CDH2: variants seen among roughly 807,000 people sequenced by gnomAD.
The protein encoded by CDH2 is cadherin 2.
A neutral mutation model predicts 92.0 loss-of-function variants in CDH2; 17 were observed. That is an observed-to-expected ratio of 0.18 (90% CI 0.13 to 0.28). The LOEUF is 0.28. Ranked by LOEUF, CDH2 falls within the 10% of genes least tolerant of loss-of-function variation. The pLI is 1.00. For missense variants in CDH2, 862 were observed against 1,133.1 expected (o/e 0.76, Z 3.44); for synonymous variants, 419 against 415.9 (o/e 1.01, Z -0.09).
chr18:28,009,374 C>T (rs1314532671), intron 5 of CDH2, among the ~76,000 whole-genome samples: 1 of 144,308 alleles, frequency 6.9e-6, no homozygotes. Flanking sequence ...GCTGTGACCT[C>T]TATATATTTT....
chr18:27,937,059 G>A (rs1206293469), intron 6 of CDH2, among the ~76,000 whole-genome samples: 1 of 152,154 alleles, frequency 6.6e-6, no homozygotes, highest in Admixed American at 6.5e-5. Context: ...AACTTCATAT[G>A]AGGATAGCCA....
intron 12 of CDH2, 37 bp from the exon 13 acceptor site, chr18:27,985,270 T>C: frequency 8.4e-7 from 1 of 1,185,182 alleles, no homozygotes. Context: ...TGATAGGTAA[T>C]ACTTAAAGCG....
At chr18:28,057,023 A>T (rs1161614527) in intron 2 of CDH2, among the ~76,000 whole-genome samples, 1 of 152,194 alleles carries the variant, frequency 6.6e-6, no homozygotes, top group Non-Finnish European at 1.5e-5. Flanking sequence ...CAACGGCATC[A>T]TTATTTTAAG....
intron 1 of CDH2, among the ~76,000 whole-genome samples, chr18:28,172,980 C>T (rs1048519504): frequency 6.6e-6 from 1 of 151,972 alleles, no homozygotes; most frequent in African/African-American, 2.4e-5. Context: ...AACCCTAAAG[C>T]TTAATGAGGC....
intron 2 of CDH2, among the ~76,000 whole-genome samples, chr18:28,123,617 T>C (rs2015627428): frequency 6.6e-6 from 1 of 152,122 alleles, no homozygotes. Flanking sequence ...AGAAAAAACC[T>C]CAAACATAAT....
At chr18:27,961,414 C>T (rs1217664181) in intron 15 of CDH2, among the ~76,000 whole-genome samples, 1 of 152,078 alleles carries the variant, frequency 6.6e-6, no homozygotes, top group Non-Finnish European at 1.5e-5. Context: ...GTTATCCCTT[C>T]CCACAGGCAT....
intron 1 of CDH2, among the ~76,000 whole-genome samples, chr18:28,161,856 G>A (rs916931267): frequency 3.9e-5 from 6 of 152,144 alleles, no homozygotes; most frequent in Non-Finnish European, 7.3e-5. Context: ...AAACGAGTGG[G>A]CATACAGAAC....
In CDH2 at chr18:28,009,776, T is replaced by A; in HGVS notation, c.643A>T (p.Ile215Phe). Residue 215 changes from isoleucine to phenylalanine, a missense_variant, in exon 5 of 16, where the codon ATC becomes TTC. This residue lies in a region of CDH2 where 564 missense variants were observed against 722.2 expected (regional missense o/e 0.78). Coordinates refer to ENST00000269141, the MANE Select transcript of CDH2 (RefSeq NM_001792.5). ...TTTGTCACCGACAGCTGACCCGAGA[T>A]GGGGTTGATAATGAAGATACCAGTT... ...PPTGIFIINP[I>F]SGQLSVTKPL... The A allele has an allele frequency of 1.2e-6, 2 of 1,614,018 alleles. No homozygotes were observed. The highest frequency in any genetic ancestry group is 1.7e-6 in the Non-Finnish European group (2 of 1,179,984).
intron 5 of CDH2, 110 bp downstream of exon 5, chr18:28,009,607 C>T (rs2013036999): frequency 2.4e-6 from 2 of 828,092 alleles, no homozygotes; most frequent in Non-Finnish European, 3.5e-6. Context: ...AGATACAATT[C>T]TTAAAACTCT....
At chr18:27,960,319 ATACT>A (rs1237448386) in intron 15 of CDH2, among the ~76,000 whole-genome samples, 5 of 152,190 alleles carry the variant, frequency 3.3e-5, no homozygotes, top group Admixed American at 2.0e-4. Context: ...GGGTTGGTAA[ATACT>A]TAATGAATTT....
intron 7 of CDH2, among the ~76,000 whole-genome samples, chr18:27,999,247 G>T (rs2012684623): frequency 6.6e-6 from 1 of 152,146 alleles, no homozygotes; most frequent in African/African-American, 2.4e-5. Context: ...AAGTAATTCT[G>T]GGGGGTTAGG....
chr18:28,098,899 G>C (rs1191001470), intron 2 of CDH2, among the ~76,000 whole-genome samples: 2 of 152,044 alleles, frequency 1.3e-5, no homozygotes, highest in Non-Finnish European at 2.9e-5. Flanking sequence ...TTACAAATAA[G>C]TCTCAAGGAA....
intron 4 of CDH2, among the ~76,000 whole-genome samples, chr18:28,010,073 A>G (rs2144029464): frequency 6.6e-6 from 1 of 152,292 alleles, no homozygotes; most frequent in South Asian, 2.1e-4. Context: ...CTATCACCAG[A>G]AAGACTGGAG....
downstream of CDH2, among the ~76,000 whole-genome samples, chr18:27,950,275 T>G (rs141993383): frequency 1.1e-3 from 160 of 152,258 alleles, 2 homozygotes; most frequent in East Asian, 0.022. Context: ...GTGTACAGTA[T>G]AAGACTATAT....
chr18:28,073,295 A>G (rs755142701), intron 2 of CDH2, among the ~76,000 whole-genome samples: 1 of 152,136 alleles, frequency 6.6e-6, no homozygotes, highest in Non-Finnish European at 1.5e-5. Flanking sequence ...TATTTATTTC[A>G]TATCCATTGT....
At chr18:28,064,142 G>A (rs529494191) in intron 2 of CDH2, among the ~76,000 whole-genome samples, 1 of 151,404 alleles carries the variant, frequency 6.6e-6, no homozygotes, top group Admixed American at 6.6e-5. Context: ...AAAGAGGGGG[G>A]GGTAGGTGGG....
chr18:28,024,555 A>T (rs2013499667), intron 2 of CDH2, among the ~76,000 whole-genome samples: 1 of 151,178 alleles, frequency 6.6e-6, no homozygotes, highest in Non-Finnish European at 1.5e-5. Flanking sequence ...AACATACAGC[A>T]ATCTAAATTA....
intron 15 of CDH2, among the ~76,000 whole-genome samples, chr18:27,956,486 GAA>G (rs1395519880): frequency 6.6e-6 from 1 of 152,180 alleles, no homozygotes; most frequent in Non-Finnish European, 1.5e-5. Flanking sequence ...GGATGTAAAA[GAA>G]AAGAGGTCTT....
At chr18:28,117,454 G>A (rs2015513872) in intron 2 of CDH2, among the ~76,000 whole-genome samples, 1 of 152,106 alleles carries the variant, frequency 6.6e-6, no homozygotes, top group African/African-American at 2.4e-5. Flanking sequence ...TTGTGAGCTG[G>A]TTCAGAGATT....
Sources: gnomAD v4.1 joint callset for allele counts (sites outside exome capture counted in the v4.1 genomes callset) on GRCh38, gnomAD v4.1.1 for gene constraint, gnomAD v4.1.1 regional missense constraint, MANE v1.5 for transcripts, NCBI Gene and HGNC (gene_info 2026-07-23, HGNC 2026-07-21) for gene names.